Variants in PATJ observed in about 807,000 individuals in gnomAD.
PATJ encodes PATJ crumbs cell polarity complex component.
Under a neutral mutation model 224.9 loss-of-function variants are expected in PATJ, and 190 were observed. The ratio of observed to expected loss-of-function variants is 0.84; its 90% CI spans 0.75 to 0.95. PATJ has a LOEUF of 0.95. Among genes scored for constraint, PATJ ranks in the 40% least tolerant of loss-of-function variants. The pLI is 0.00. For missense variants in PATJ, 2,121 were observed against 2,270.3 expected (o/e 0.93, Z 1.34); for synonymous variants, 769 against 820.3 (o/e 0.94, Z 1.07).
At chr1:61,899,756 G>A in intron 23 of PATJ, 102 bp downstream of exon 23, 1 of 702,574 alleles carries the variant, frequency 1.4e-6, no homozygotes, top group Non-Finnish European at 2.3e-6. Context: ...TAATGATTGA[G>A]AATTGCGATA....
At chr1:61,771,386 AG>A (rs1448213089) in intron 5 of PATJ, 44 bp from the exon 6 acceptor site, 1 of 1,237,312 alleles carries the variant, frequency 8.1e-7, no homozygotes, top group Non-Finnish European at 1.1e-6. Context: ...TTTAAAAATC[AG>A]GTTATTAGAT....
At chr1:61,752,357 A>G (rs1421329857) in intron 1 of PATJ, among the ~76,000 whole-genome samples, 1 of 132,166 alleles carries the variant, frequency 7.6e-6, no homozygotes, top group Non-Finnish European at 1.5e-5. Context: ...TCTGTCACCC[A>G]GGCTGGAGTG....
At chr1:61,796,482 A>G (rs1349716461) in intron 10 of PATJ, among the ~76,000 whole-genome samples, 4 of 152,180 alleles carry the variant, frequency 2.6e-5, no homozygotes, top group Admixed American at 6.6e-5. Context: ...ATAACTGGCC[A>G]TCTTTTATGG....
intron 29 of PATJ, among the ~76,000 whole-genome samples, chr1:62,019,064 G>A (rs1033955096): frequency 1.3e-5 from 2 of 152,036 alleles, no homozygotes; most frequent in Admixed American, 1.3e-4. Context: ...CCAACATGGC[G>A]AAACCCTGTC....
At chr1:61,789,731 G>A (rs1649379991) in intron 8 of PATJ, among the ~76,000 whole-genome samples, 1 of 151,926 alleles carries the variant, frequency 6.6e-6, no homozygotes, top group Non-Finnish European at 1.5e-5. Flanking sequence ...AGAATCACTT[G>A]AACCTGGGAG....
intron 16 of PATJ, among the ~76,000 whole-genome samples, chr1:61,830,585 A>C (rs1659128874): frequency 1.3e-5 from 2 of 151,686 alleles, no homozygotes; most frequent in Non-Finnish European, 2.9e-5. Context: ...GTCCTAACCA[A>C]AAAGAACAAA....
intron 1 of PATJ, among the ~76,000 whole-genome samples, chr1:61,754,859 A>G (rs1645542902): frequency 6.6e-6 from 1 of 152,046 alleles, no homozygotes; most frequent in Non-Finnish European, 1.5e-5. Flanking sequence ...CAGGAGTTCA[A>G]ATACAGCCTG....
intron 20 of PATJ, among the ~76,000 whole-genome samples, chr1:61,872,940 G>A (rs1666839009): frequency 6.6e-6 from 1 of 152,092 alleles, no homozygotes. Flanking sequence ...ACTTTGCAAA[G>A]CTGGAAGTAT....
intron 18 of PATJ, among the ~76,000 whole-genome samples, chr1:61,860,353 G>C (rs746086019): frequency 1.3e-5 from 2 of 152,018 alleles, no homozygotes; most frequent in African/African-American, 4.8e-5. Flanking sequence ...GAGGCACCAC[G>C]CCCTGGCTGA....
chr1:61,899,782 G>A (rs1670870425), intron 23 of PATJ, 128 bp downstream of exon 23: 1 of 599,770 alleles, frequency 1.7e-6, no homozygotes, highest in East Asian at 2.9e-5. Flanking sequence ...CCTGTAAGCT[G>A]GCCTACGTTT....
intron 31 of PATJ, among the ~76,000 whole-genome samples, chr1:62,077,922 T>A (rs952352419): frequency 1.3e-5 from 2 of 152,200 alleles, no homozygotes; most frequent in African/African-American, 4.8e-5. Context: ...ACTGTCGGGG[T>A]TGTTCATGTG....
chr1:61,742,974 G>T (rs1472900166), intron 1 of PATJ, among the ~76,000 whole-genome samples: 1 of 152,130 alleles, frequency 6.6e-6, no homozygotes, highest in African/African-American at 2.4e-5. Flanking sequence ...CCTATTTTGC[G>T]CCCAGATCGG....
chr1:62,051,113 T>C lies in PATJ; in HGVS notation c.4125+55T>C. ...ATTCTGTTTAGGGATGTATCACTTA[T>C]ATTTTGTACCACCTTGGAAAGAACC... On this transcript the variant is annotated intron_variant, in intron 31 of 43. Transcript: ENST00000642238. The C allele has an allele frequency of 5.4e-6, 7 of 1,297,936 alleles. No homozygotes were observed. The East Asian group carries it at 1.4e-4, about 27-fold the overall frequency. 80.4% of individuals were successfully genotyped at this position (1,297,936 alleles called of 1,614,324 possible).
At chr1:61,763,707 G>A (rs759667374) in intron 3 of PATJ, among the ~76,000 whole-genome samples, 34 of 151,864 alleles carry the variant, frequency 2.2e-4, no homozygotes, top group Non-Finnish European at 4.0e-4. Context: ...TCACTGAGGC[G>A]GGAGTGCAGT....
intron 27 of PATJ, among the ~76,000 whole-genome samples, chr1:61,982,189 G>A (rs1644488097): frequency 6.6e-6 from 1 of 151,984 alleles, no homozygotes; most frequent in Non-Finnish European, 1.5e-5. Context: ...ACATAATCCT[G>A]CTTCTGTGGT....
intron 28 of PATJ, among the ~76,000 whole-genome samples, chr1:61,994,341 C>T (rs1307809493): frequency 6.6e-6 from 1 of 152,142 alleles, no homozygotes; most frequent in African/African-American, 2.4e-5. Context: ...ATAAGAGTAT[C>T]TGGTACATAG....
chr1:61,873,567 G>A (rs1666945744), intron 20 of PATJ, among the ~76,000 whole-genome samples: 1 of 152,206 alleles, frequency 6.6e-6, no homozygotes, highest in African/African-American at 2.4e-5. Flanking sequence ...CATTAACTGG[G>A]TAGCTTATAA....
At chr1:61,797,044 T>C (rs917735561) in intron 10 of PATJ, among the ~76,000 whole-genome samples, 6 of 152,088 alleles carry the variant, frequency 3.9e-5, no homozygotes, top group African/African-American at 1.4e-4. Flanking sequence ...TTTTTGTATG[T>C]TTAGTAGAGA....
chr1:62,154,603 A>G (rs1668979228), intron 43 of PATJ, among the ~76,000 whole-genome samples: 1 of 149,978 alleles, frequency 6.7e-6, no homozygotes, highest in African/African-American at 2.5e-5. Context: ...AGAGGTTGCC[A>G]TGATCCCAGA....
Sources: allele counts gnomAD v4.1 joint callset (sites outside exome capture counted in the v4.1 genomes callset), GRCh38; gene constraint gnomAD v4.1.1; transcripts MANE v1.5; gene names NCBI Gene and HGNC (gene_info 2026-07-23, HGNC 2026-07-21).